Variants in UBE2O observed in about 807,000 individuals in gnomAD.
The protein encoded by UBE2O is ubiquitin conjugating enzyme E2 O, also known as (E3-independent) E2 ubiquitin-conjugating enzyme.
A neutral mutation model predicts 125.8 loss-of-function variants in UBE2O; 15 were observed. The ratio of observed to expected loss-of-function variants is 0.12; its 90% confidence interval spans 0.08 to 0.18. UBE2O has a LOEUF of 0.18. UBE2O is among the 10% of genes least tolerant of loss of function. UBE2O has a pLI of 1.00. For missense variants in UBE2O, 1,280 were observed against 1,723.6 expected (o/e 0.74, Z 4.56); for synonymous variants, 708 against 703.2 (o/e 1.01, Z -0.11).
chr17:76,392,681 G>A (rs778542164), intron 15 of UBE2O, among the ~76,000 whole-genome samples: 3 of 152,104 alleles, frequency 2.0e-5, no homozygotes, highest in Non-Finnish European at 2.9e-5. Context: ...AGCTGGGCGC[G>A]GTGGTTCGTG....
intron 5 of UBE2O, 50 bp from the exon 6 acceptor site, chr17:76,401,204 G>A (rs202144250): frequency 1.3e-4 from 204 of 1,600,704 alleles, no homozygotes; most frequent in Non-Finnish European, 1.6e-4. Flanking sequence ...TGTCTCCATG[G>A]GTGACCATGC....
intron 1 of UBE2O, among the ~76,000 whole-genome samples, chr17:76,414,277 G>C (rs1385308165): frequency 6.6e-6 from 1 of 152,226 alleles, no homozygotes; most frequent in East Asian, 1.9e-4. Flanking sequence ...TCAACTGATT[G>C]AATAGTTTTT....
At position 76,450,276 on chromosome 17, in the gene UBE2O, C is replaced by T. The variant is rs144233011; in HGVS notation, c.417+2449G>A. Among the ~76,000 whole-genome samples, 44 of 152,218 alleles carry T rather than the reference C, an allele frequency of 2.9e-4. No individual in the cohort carries two copies. The East Asian group carries it at 3.9e-3, about 13-fold the overall frequency. On this transcript the variant is annotated intron_variant, in intron 1 of 17. Coordinates refer to ENST00000319380, the MANE Select transcript of UBE2O (RefSeq NM_022066.4). ...CAGTTCTGCAAGGTCCCAGGACCCA[C>T]CCTACCACCCTGCTTGGTGGTCAGT...
In UBE2O at chr17:76,405,151, C is replaced by T. The variant is rs576042086; in HGVS notation, c.588+55G>A. ...GGAGGCTGTAGCCCAGAGGTCGTGC[C>T]GCCGAGAGAACCAGAGGGCCCAGAA... On this transcript the variant is annotated intron_variant, in intron 3 of 17. Coordinates refer to ENST00000319380, the MANE Select transcript of UBE2O (RefSeq NM_022066.4). The surrounding 1 kb of genome is among the most constrained non-coding windows in gnomAD (Gnocchi z 6.1). 765 of 1,383,402 alleles carry T rather than the reference C, an allele frequency of 5.5e-4. 10 individuals carry two copies. The South Asian group carries it at 8.5e-3, about 15-fold the overall frequency. The allele number at this position is 1,383,402 out of a possible 1,614,324, so 85.7% of individuals were successfully genotyped here.
At chr17:76,425,374 AC>A (rs1311790614) in intron 1 of UBE2O, among the ~76,000 whole-genome samples, 2 of 152,056 alleles carry the variant, frequency 1.3e-5, no homozygotes, top group Non-Finnish European at 2.9e-5. Flanking sequence ...TAAAAAAAAA[AC>A]ATAGTACTAA....
In UBE2O at chr17:76,396,584, C is replaced by T. The variant is rs377615515; in HGVS notation, c.2353G>A (p.Val785Ile). Residue 785 changes from valine to isoleucine, a missense_variant, in exon 14 of 18, where the codon GTC becomes ATC. Val to Ile is a conservative substitution (Grantham distance 29). Around this residue, in one of 10 missense-constraint regions of UBE2O, gnomAD observed 210 missense variants for 268.9 expected, o/e 0.78. Transcript: ENST00000319380. This position sits in a 1 kb window ranked among gnomAD's most constrained non-coding sequence, Gnocchi z 6.7. ...GCAGCCATGGCCACAGCCCCCTGGA[C>T]GGCAGCTGTGGCTGCCTCTTCACTG... ...VISEEAATAAVQGAVAMAAPM... is the reference protein window; with the variant it reads ...VISEEAATAAIQGAVAMAAPM... 3.9e-5 allele frequency: 63 copies of T among 1,607,428 alleles called. No homozygotes were observed. Among genetic ancestry groups the T allele is most frequent in the African/African-American group, 2.9e-4 (22 of 74,622 alleles).
intron 1 of UBE2O, among the ~76,000 whole-genome samples, chr17:76,409,148 T>G (rs1392659336): frequency 6.6e-6 from 1 of 151,842 alleles, no homozygotes; most frequent in Non-Finnish European, 1.5e-5. Context: ...TTTTGTATTT[T>G]CAGTAGAGAC....
chr17:76,405,273 G>A lies in UBE2O; in HGVS notation c.521C>T (p.Ala174Val), dbSNP rs1245378929. ...GTVIDVNIDC[A>V]VKLIGTNCII... ...GCAGTTGGTGCCGATGAGCTTGACG[G>A]CACAGTCGATGTTGACGTCGATCAC... Residue 174 changes from alanine to valine, a missense_variant, in exon 3 of 18, where the codon GCC (alanine) becomes GTC (valine). This residue lies in a region of UBE2O where 206 missense variants were observed against 315.7 expected (regional missense o/e 0.65). Transcript: ENST00000319380. This position sits in a 1 kb window ranked among gnomAD's most constrained non-coding sequence, Gnocchi z 6.1. The A allele has an allele frequency of 6.2e-7, 1 of 1,613,298 alleles. No individual in the cohort carries two copies.
Position 76,400,993 on chromosome 17 carries a change from C to T in UBE2O, c.894+18G>A. On this transcript the variant is annotated intron_variant, in intron 6 of 17. Coordinates refer to ENST00000319380, the MANE Select transcript of UBE2O (RefSeq NM_022066.4). This position sits in a 1 kb window ranked among gnomAD's most constrained non-coding sequence, Gnocchi z 4.3. The stretch of plus-strand genomic sequence containing the variant: ...GGAGGTCAAGGACTCCATCTCCTAC[C>T]CTTGGGCCCGGACCCACCTCTTCCA... 1 of 1,613,166 alleles carries T rather than the reference C, an allele frequency of 6.2e-7. No individual in the cohort carries two copies. Among genetic ancestry groups the T allele is most frequent in the South Asian group, 1.1e-5 (1 of 91,038 alleles).
rs2072081191 is a variant in UBE2O, at chr17:76,390,186, C to G, written c.*757G>C. ...CTTGTGCAGCTGCTCTTGCCCCCAG[C>G]AGCCTCCGACAGAAGAGCAAGGCAC... On this transcript the variant is annotated 3_prime_UTR_variant, in exon 18 of 18. Coordinates refer to ENST00000319380, the MANE Select transcript of UBE2O (RefSeq NM_022066.4). 1 of 152,866 alleles carries G rather than the reference C, an allele frequency of 6.5e-6. No homozygotes were observed. The highest frequency in any genetic ancestry group is 6.5e-5 in the Admixed American group (1 of 15,290). 9.5% of individuals were successfully genotyped at this position (152,866 alleles called of 1,614,324 possible).
At chr17:76,392,615 G>GT (rs1257660517) in intron 15 of UBE2O, among the ~76,000 whole-genome samples, 3 of 151,606 alleles carry the variant, frequency 2.0e-5, no homozygotes, top group African/African-American at 7.3e-5. Flanking sequence ...CTCGAAGTGA[G>GT]TTTTTATCTT....
At chr17:76,449,573 TA>T (rs2073202289) in intron 1 of UBE2O, among the ~76,000 whole-genome samples, 1 of 148,932 alleles carries the variant, frequency 6.7e-6, no homozygotes, top group East Asian at 2.0e-4. Flanking sequence ...AGACTCTGTT[TA>T]AAAAAGAAAC....
Position 76,395,435 on chromosome 17 carries a change from A to G in UBE2O, c.2946+290T>C. 3 of 255,352 alleles carry G rather than the reference A, an allele frequency of 1.2e-5. No individual in the cohort carries two copies. The highest frequency in any genetic ancestry group is 2.2e-5 in the Non-Finnish European group (3 of 136,050). 15.8% of individuals were successfully genotyped at this position (255,352 alleles called of 1,614,324 possible). Reference sequence around the variant, plus strand: ...TCTCGATCTCCTGACCTCGTGATCCACCCACCTCGGCCTCCCAAAGTGCTG... The same window carrying G: ...TCTCGATCTCCTGACCTCGTGATCCGCCCACCTCGGCCTCCCAAAGTGCTG... On this transcript the variant is annotated intron_variant, in intron 15 of 17. Coordinates refer to ENST00000319380, the MANE Select transcript of UBE2O (RefSeq NM_022066.4). The surrounding 1 kb of genome is among the most constrained non-coding windows in gnomAD (Gnocchi z 5.0).
chr17:76,435,922 C>T lies in UBE2O; in HGVS notation c.417+16803G>A, dbSNP rs573033461. Among the ~76,000 whole-genome samples the T allele has an allele frequency of 2.6e-5, 4 of 152,366 alleles. No individual in the cohort carries two copies. The East Asian group carries it at 7.7e-4, about 29-fold the overall frequency. ...TAGCCCTCTAGATGCTGCTGACTAGCTGGGGATCCTGCAGATGTCACATCA... is the reference window on the plus strand; with the variant it reads ...TAGCCCTCTAGATGCTGCTGACTAGTTGGGGATCCTGCAGATGTCACATCA... On this transcript the variant is annotated intron_variant, in intron 1 of 17. Transcript: ENST00000319380.
At chr17:76,423,995 C>T (rs559299317) in intron 1 of UBE2O, among the ~76,000 whole-genome samples, 18 of 149,940 alleles carry the variant, frequency 1.2e-4, no homozygotes, top group Admixed American at 3.3e-4. Context: ...GCAAGCTCCA[C>T]CTCCCAAGTT....
At chr17:76,448,137 T>C (rs1219813575) in intron 1 of UBE2O, among the ~76,000 whole-genome samples, 2 of 152,128 alleles carry the variant, frequency 1.3e-5, no homozygotes, top group South Asian at 2.1e-4. Context: ...GAAAGTACCC[T>C]TGAGTCAGGC....
At chr17:76,393,787 C>T (rs1015103117) in intron 15 of UBE2O, among the ~76,000 whole-genome samples, 6 of 152,098 alleles carry the variant, frequency 3.9e-5, no homozygotes, top group African/African-American at 9.7e-5. Flanking sequence ...TGTGCACACA[C>T]GCGTGTGTGT....
At position 76,396,572 on chromosome 17, in the gene UBE2O, C is replaced by T. The variant is rs1470403450; in HGVS notation, c.2365G>A (p.Val789Met). The change falls in exon 14 of 18, where the codon GTG (valine) becomes ATG (methionine). Residue 789 changes from valine (V) to methionine (M), a missense_variant. Val to Met is a conservative substitution (Grantham distance 21). Around this residue, in one of 10 missense-constraint regions of UBE2O, gnomAD observed 210 missense variants for 268.9 expected, o/e 0.78. Transcript: ENST00000319380. The surrounding 1 kb of genome is among the most constrained non-coding windows in gnomAD (Gnocchi z 6.7). ...CCGGCCATGGGGGCAGCCATGGCCA[C>T]AGCCCCCTGGACGGCAGCTGTGGCT... Reference protein sequence around the residue: ...EAATAAVQGAVAMAAPMAGLM... With the variant: ...EAATAAVQGAMAMAAPMAGLM... The T allele has an allele frequency of 1.9e-6, 3 of 1,609,162 alleles. No individual in the cohort carries two copies. The highest frequency in any genetic ancestry group is 2.2e-5 in the South Asian group (2 of 90,570).
chr17:76,417,982 T>C (rs935669634), intron 1 of UBE2O, among the ~76,000 whole-genome samples: 1 of 152,082 alleles, frequency 6.6e-6, no homozygotes. Context: ...TTGGGAGAAG[T>C]GGAGGTGGAG....
Sources: gnomAD v4.1 joint callset for allele counts (sites outside exome capture counted in the v4.1 genomes callset) on GRCh38, gnomAD v4.1.1 for gene constraint, gnomAD v4.1.1 regional missense constraint, Gnocchi (gnomAD v3.1) non-coding constraint, MANE v1.5 for transcripts, NCBI Gene and HGNC (gene_info 2026-07-23, HGNC 2026-07-21) for gene names.